The following MGMT variants were observed in gnomAD, a reference collection of about 807,000 sequenced individuals.
MGMT encodes the protein methylated-DNA--protein-cysteine methyltransferase.
In MGMT, 14 loss-of-function variants were observed where a neutral mutation model predicts 15.9. The observed-to-expected ratio is 0.88, with a 90% CI of 0.58 to 1.37. The LOEUF is 1.37. MGMT is among the 40% of genes most tolerant of loss of function. The probability of loss-of-function intolerance (pLI) is 0.00; values close to 1 mark genes in which losing one functional copy is unlikely to be tolerated. For missense variants in MGMT, 282 were observed against 268.1 expected (o/e 1.05, Z -0.36); for synonymous variants, 130 against 118.2 (o/e 1.10, Z -0.65).
At chr10:129,596,904 G>A (rs1452407388) in intron 2 of MGMT, among the ~76,000 whole-genome samples, 1 of 152,070 alleles carries the variant, frequency 6.6e-6, no homozygotes. Context: ...TTTTAATGAG[G>A]CATATACAGA....
intron 1 of MGMT, among the ~76,000 whole-genome samples, chr10:129,518,823 AG>A (rs1845773167): frequency 6.6e-6 from 1 of 151,632 alleles, no homozygotes; most frequent in African/African-American, 2.4e-5. Flanking sequence ...GGGAGTCAAA[AG>A]GTTATGTGGA....
chr10:129,519,617 G>A (rs191125496), intron 1 of MGMT, among the ~76,000 whole-genome samples: 56 of 152,334 alleles, frequency 3.7e-4, no homozygotes, highest in Non-Finnish European at 1.0e-4. Flanking sequence ...CCGCTGGAAC[G>A]TGTCTGGAAC....
At chr10:129,637,833 C>T (rs117757230) in intron 2 of MGMT, among the ~76,000 whole-genome samples, 5,799 of 152,216 alleles carry the variant, frequency 0.038, 144 homozygotes, top group Admixed American at 0.069. Flanking sequence ...AGAAGAGAGG[C>T]GTCAGAGAAA....
intron 2 of MGMT, among the ~76,000 whole-genome samples, chr10:129,547,097 C>T (rs1846105617): frequency 6.6e-6 from 1 of 152,174 alleles, no homozygotes; most frequent in South Asian, 2.1e-4. Context: ...GTTCTTCTGA[C>T]AAGGACGTTT....
At chr10:129,766,727 G>A (rs1848939593) in intron 4 of MGMT, 61 bp from the exon 5 acceptor site, 5 of 1,481,682 alleles carry the variant, frequency 3.4e-6, no homozygotes, top group South Asian at 1.3e-5. Context: ...CCTTGGCCTT[G>A]ACCCCAAAGA....
At chr10:129,695,399 A>C (rs551069843) in intron 2 of MGMT, among the ~76,000 whole-genome samples, 78 of 152,360 alleles carry the variant, frequency 5.1e-4, no homozygotes, top group Non-Finnish European at 1.0e-3. Context: ...CAAGACAGGT[A>C]ATTTAGTGAC....
rs555902153 is a variant in MGMT at position 129,558,706 on chromosome 10, G to A, written c.125+22329G>A. On this transcript the variant is annotated intron_variant, in intron 2 of 4. Transcript: ENST00000651593. ...CTCTCCTGATGTTGCCGCCCTGCAC[G>A]GCCGTTGGAGAGTACTTGCAGGCAG... Among the ~76,000 whole-genome samples the A allele has an allele frequency of 8.5e-5, 13 of 152,242 alleles. No individual in the cohort carries two copies. In the South Asian group the frequency reaches 1.7e-3, roughly 19 times the overall value.
At chr10:129,742,586 C>T (rs1045527265) in intron 3 of MGMT, among the ~76,000 whole-genome samples, 7 of 151,156 alleles carry the variant, frequency 4.6e-5, no homozygotes, top group Admixed American at 1.3e-4. Context: ...AGGGCTGGGG[C>T]GTTCAGCAGT....
At chr10:129,610,000 ATAGAAAGCTT>A (rs1019908482) in intron 2 of MGMT, among the ~76,000 whole-genome samples, 1 of 152,204 alleles carries the variant, frequency 6.6e-6, no homozygotes, top group Non-Finnish European at 1.5e-5. Flanking sequence ...AAGGAGATGA[ATAGAAAGCTT>A]TAGGCAGACA....
intron 2 of MGMT, among the ~76,000 whole-genome samples, chr10:129,655,407 C>T (rs1349658803): frequency 6.6e-6 from 1 of 152,156 alleles, no homozygotes; most frequent in Non-Finnish European, 1.5e-5. Context: ...TTTTTAAAAC[C>T]CATTAAGGTC....
Position 129,536,285 on chromosome 10 carries a change from A to G in MGMT, c.33A>G (p.Thr11=), listed in dbSNP as rs1845982879. The G allele has an allele frequency of 6.2e-7, 1 of 1,614,126 alleles. No individual in the cohort carries two copies. ...AGGATTGTGAAATGAAACGCACCAC[A>G]CTGGACAGCCCTTTGGGGAAGCTGG... MDKDCEMKRT[T]LDSPLGKLEL... is the part of the protein sequence containing the mutation. Residue 11 remains threonine (T), a synonymous_variant, in exon 2 of 5, where the codon ACA becomes ACG. Transcript: ENST00000651593.
chr10:129,543,768 T>A (rs1846070102), intron 2 of MGMT, among the ~76,000 whole-genome samples: 1 of 152,234 alleles, frequency 6.6e-6, no homozygotes. Flanking sequence ...GGCAAACGTG[T>A]GTGCCTGTGT....
At chr10:129,589,072 T>G (rs963729124) in intron 2 of MGMT, among the ~76,000 whole-genome samples, 2 of 152,184 alleles carry the variant, frequency 1.3e-5, no homozygotes, top group African/African-American at 2.4e-5. Context: ...GAGGCCGGTG[T>G]TTTTGTGTCA....
chr10:129,745,380 GC>G (rs1848682763), intron 3 of MGMT, among the ~76,000 whole-genome samples: 1 of 149,480 alleles, frequency 6.7e-6, no homozygotes, highest in African/African-American at 2.5e-5. Flanking sequence ...CCCCCACGCC[GC>G]CCCCTGGCAG....
At chr10:129,657,930 C>T (rs529354120) in intron 2 of MGMT, among the ~76,000 whole-genome samples, 1 of 152,186 alleles carries the variant, frequency 6.6e-6, no homozygotes, top group South Asian at 2.1e-4. Context: ...TAATTGGCAC[C>T]TCTATCCTAT....
intron 3 of MGMT, among the ~76,000 whole-genome samples, chr10:129,757,635 T>C (rs1227286594): frequency 2.0e-5 from 3 of 152,018 alleles, no homozygotes; most frequent in Non-Finnish European, 4.4e-5. Flanking sequence ...TTTGCTTTGC[T>C]TTTTTTTAAA....
intron 2 of MGMT, among the ~76,000 whole-genome samples, chr10:129,669,163 T>G (rs906317413): frequency 2.6e-5 from 4 of 152,186 alleles, no homozygotes; most frequent in African/African-American, 9.7e-5. Flanking sequence ...CTGATATTTT[T>G]GTTTTTTTAA....
At chr10:129,592,970 G>T (rs1030710062) in intron 2 of MGMT, among the ~76,000 whole-genome samples, 6 of 152,144 alleles carry the variant, frequency 3.9e-5, no homozygotes, top group Non-Finnish European at 8.8e-5. Flanking sequence ...GCTCTTTAGA[G>T]TCCTCATGAT....
At chr10:129,599,080 A>G (rs1273941968) in intron 2 of MGMT, among the ~76,000 whole-genome samples, 2 of 152,266 alleles carry the variant, frequency 1.3e-5, no homozygotes, top group Non-Finnish European at 2.9e-5. Context: ...ACAATTCGCA[A>G]ATCGAGCAGC....
Sources: allele counts gnomAD v4.1 joint callset (sites outside exome capture counted in the v4.1 genomes callset), GRCh38; gene constraint gnomAD v4.1.1; transcripts MANE v1.5; gene names NCBI Gene and HGNC (gene_info 2026-07-23, HGNC 2026-07-21).